EPN1: variants seen among roughly 807,000 people sequenced by gnomAD.
EPN1 encodes the protein epsin-1.
In EPN1, 25 loss-of-function variants were observed where a neutral mutation model predicts 56.9. The observed-to-expected ratio is 0.44, with a 90% CI of 0.32 to 0.61. EPN1 has a LOEUF of 0.61. Ranked by LOEUF, EPN1 falls within the 20% of genes least tolerant of loss-of-function variation. The pLI is 0.05. For synonymous variants in EPN1, 411 were observed against 361.8 expected (o/e 1.14, Z -1.54); for missense variants, 785 against 823.7 (o/e 0.95, Z 0.58).
intron 2 of EPN1, among the ~76,000 whole-genome samples, chr19:55,682,322 G>A (rs979704601): frequency 1.3e-5 from 2 of 152,216 alleles, no homozygotes; most frequent in Admixed American, 1.3e-4. Flanking sequence ...CTGTTCTTGA[G>A]CTTTATATAT....
At chr19:55,693,583 G>A (rs1044495296) in intron 9 of EPN1, among the ~76,000 whole-genome samples, 7 of 152,210 alleles carry the variant, frequency 4.6e-5, no homozygotes, top group East Asian at 3.9e-4. Flanking sequence ...GTGGCTCTTC[G>A]TCAGGAGTGC....
rs1313350064 is a variant in EPN1, at chr19:55,696,374, C to T, written c.*1018C>T. 2.0e-5 allele frequency: 3 copies of T among 152,344 alleles called. No individual in the cohort carries two copies. The highest frequency in any genetic ancestry group is 4.8e-5 in the African/African-American group (2 of 41,442). The allele number at this position is 152,344 out of a possible 1,614,324, so 9.4% of individuals were successfully genotyped here. On this transcript the variant is annotated 3_prime_UTR_variant, in exon 11 of 11. Coordinates refer to ENST00000270460, the MANE Select transcript of EPN1 (RefSeq NM_001130072.2). ...TGTCATCTCCAGGGCTAGGTGACAGCTTGTTGCAGGCCCCACAGCCAGGGC... is the reference window on the plus strand; with the variant it reads ...TGTCATCTCCAGGGCTAGGTGACAGTTTGTTGCAGGCCCCACAGCCAGGGC...
chr19:55,680,968 A>C (rs576846267), intron 2 of EPN1, among the ~76,000 whole-genome samples: 2 of 152,254 alleles, frequency 1.3e-5, no homozygotes, highest in Non-Finnish European at 2.9e-5. Flanking sequence ...GTGCAGGAGC[A>C]GTCTTTCCAC....
rs1218534367 is a variant in EPN1 at position 55,700,903 on chromosome 19, C to T, written c.*5547C>T. 6.6e-6 allele frequency: 1 copy of T among 152,168 alleles called. No individual in the cohort carries two copies. Among genetic ancestry groups the T allele is most frequent in the Non-Finnish European group, 1.5e-5 (1 of 68,062 alleles). 9.4% of individuals were successfully genotyped at this position (152,168 alleles called of 1,614,324 possible). A position where few individuals can be genotyped will look rare whatever the true frequency, so the allele number is the denominator to read the frequency against. ...AATGGCTTGTGTTGTGGGGAATGTT[C>T]TCATCCACCCAAATCAAGCATCACT... On this transcript the variant is annotated 3_prime_UTR_variant, in exon 11 of 11. Transcript: ENST00000270460.
At position 55,678,524 on chromosome 19, in the gene EPN1, C is replaced by T. The variant is rs752139537; in HGVS notation, c.-101-3C>T. Reference sequence around the variant, plus strand: ...GTTTCCAGAGGTCCTCTTCCCCTCGCAGATGCGGTGACCTGCCAGCACCTG... The same window carrying T: ...GTTTCCAGAGGTCCTCTTCCCCTCGTAGATGCGGTGACCTGCCAGCACCTG... On this transcript the variant is annotated splice_polypyrimidine_tract_variant and splice_region_variant and intron_variant, in intron 1 of 10. Coordinates refer to ENST00000270460, the MANE Select transcript of EPN1 (RefSeq NM_001130072.2). The T allele has an allele frequency of 4.1e-5, 63 of 1,539,586 alleles. No homozygotes were observed. The highest frequency in any genetic ancestry group is 5.5e-5 in the Non-Finnish European group (63 of 1,145,478).
rs1987217728 is a variant in EPN1, at chr19:55,702,962, G to A, written c.*7606G>A. ...GGCGCCCACCACCACGCCCGGCTAAGCTAATTTTTTGTATTGTTAGTAGAG... is the reference window on the plus strand; with the variant it reads ...GGCGCCCACCACCACGCCCGGCTAAACTAATTTTTTGTATTGTTAGTAGAG... On this transcript the variant is annotated 3_prime_UTR_variant, in exon 11 of 11. Transcript: ENST00000270460. 1 of 151,750 alleles carries A rather than the reference G, an allele frequency of 6.6e-6. No homozygotes were observed. Among genetic ancestry groups the A allele is most frequent in the Admixed American group, 6.6e-5 (1 of 15,216 alleles). 9.4% of individuals were successfully genotyped at this position (151,750 alleles called of 1,614,324 possible).
rs1455746666 is a variant in EPN1, at chr19:55,702,665, T to G, written c.*7309T>G. ...TGCTTTTTGTTAGGAAGTTTTTTGCTGGGGACTCTCTTCGCCCTATCTACC... is the reference window on the plus strand; with the variant it reads ...TGCTTTTTGTTAGGAAGTTTTTTGCGGGGGACTCTCTTCGCCCTATCTACC... On this transcript the variant is annotated 3_prime_UTR_variant, in exon 11 of 11. Transcript: ENST00000270460. The G allele has an allele frequency of 6.6e-6, 1 of 152,262 alleles. No individual in the cohort carries two copies. The highest frequency in any genetic ancestry group is 1.5e-5 in the Non-Finnish European group (1 of 68,048). The allele number at this position is 152,262 out of a possible 1,614,324, so 9.4% of individuals were successfully genotyped here.
rs996397437 is a variant in EPN1, at chr19:55,689,160, G to A, written c.604-137G>A. 13 of 1,150,576 alleles carry A rather than the reference G, an allele frequency of 1.1e-5. No individual in the cohort carries two copies. The highest frequency in any genetic ancestry group is 2.0e-4 in the Middle Eastern group (1 of 5,018). The allele number at this position is 1,150,576 out of a possible 1,614,324, so 71.3% of individuals were successfully genotyped here. ...CATCCTCACCCCGCCGTCCCTCTGCGTGTCACTCTCTGCCTGTCCCTCACT... is the reference window on the plus strand; with the variant it reads ...CATCCTCACCCCGCCGTCCCTCTGCATGTCACTCTCTGCCTGTCCCTCACT... On this transcript the variant is annotated intron_variant, in intron 4 of 10. Transcript: ENST00000270460. This position sits in a 1 kb window ranked among gnomAD's most constrained non-coding sequence, Gnocchi z 5.7.
In EPN1 at chr19:55,692,001, C is replaced by G; in HGVS notation, c.1010C>G (p.Thr337Ser). Residue 337 changes from threonine to serine, a missense_variant, in exon 7 of 11, where the codon ACC (threonine) becomes AGC (serine). Physicochemically the swap from Thr to Ser is moderately conservative, Grantham distance 58. Around this residue, in one of 2 missense-constraint regions of EPN1, gnomAD observed 650 missense variants for 605.0 expected, o/e 1.07. Coordinates refer to ENST00000270460, the MANE Select transcript of EPN1 (RefSeq NM_001130072.2). ...CCCTCAGTTGACCCTTGGGGTGGGA[C>G]CCCAGCCCCTGCAGCTGGGGAGGGG... Reference protein sequence around the residue: ...AGPSVDPWGGTPAPAAGEGPT... With the variant: ...AGPSVDPWGGSPAPAAGEGPT... 1 of 1,482,234 alleles carries G rather than the reference C, an allele frequency of 6.7e-7. No homozygotes were observed. Among genetic ancestry groups the G allele is most frequent in the African/African-American group, 1.4e-5 (1 of 70,754 alleles). The allele number at this position is 1,482,234 out of a possible 1,614,324, so 91.8% of individuals were successfully genotyped here. A position where few individuals can be genotyped will look rare whatever the true frequency, so the allele number is the denominator to read the frequency against.
In EPN1 at chr19:55,689,944, G is replaced by C. The variant is rs1456391486; in HGVS notation, c.756G>C (p.Lys252Asn). 8 of 1,600,368 alleles carry C rather than the reference G, an allele frequency of 5.0e-6. No individual in the cohort carries two copies. The highest frequency in any genetic ancestry group is 6.8e-6 in the Non-Finnish European group (8 of 1,174,098). ...IEESKRETGG[K>N]EESSLMDLAD... ...AGAGCAAGAGGGAGACTGGGGGCAA[G>C]GAGGAGGTGAGCGGGGCTTGTTCTG... The change falls in exon 6 of 11, where the codon AAG becomes AAC. Residue 252 changes from lysine to asparagine, a missense_variant. By Grantham distance (94) the Lys-to-Asn change is moderately conservative. Coordinates refer to ENST00000270460, the MANE Select transcript of EPN1 (RefSeq NM_001130072.2). This position sits in a 1 kb window ranked among gnomAD's most constrained non-coding sequence, Gnocchi z 5.7.
intron 2 of EPN1, among the ~76,000 whole-genome samples, chr19:55,683,158 C>G (rs987626317): frequency 1.3e-5 from 2 of 152,116 alleles, no homozygotes; most frequent in Non-Finnish European, 2.9e-5. Context: ...CAAGATCAAG[C>G]GATTCTCCTG....
In EPN1 at chr19:55,705,137, C is replaced by T. The variant is rs1244959239; in HGVS notation, c.*9781C>T. 1 of 152,362 alleles carries T rather than the reference C, an allele frequency of 6.6e-6. No homozygotes were observed. Among genetic ancestry groups the T allele is most frequent in the Middle Eastern group, 3.4e-3 (1 of 296 alleles). 9.4% of individuals were successfully genotyped at this position (152,362 alleles called of 1,614,324 possible). On this transcript the variant is annotated 3_prime_UTR_variant, in exon 11 of 11. Coordinates refer to ENST00000270460, the MANE Select transcript of EPN1 (RefSeq NM_001130072.2). ...CACTGGCCTGAGGTTTCTGAGTAAG[C>T]TCTGACCCAATCATTGACTATTAAA... is the stretch of plus-strand genomic sequence containing the variant.
Position 55,692,697 on chromosome 19 carries a change from G to C in EPN1, c.1078G>C (p.Val360Leu). 6.5e-7 allele frequency: 1 copy of C among 1,546,198 alleles called. No individual in the cohort carries two copies. The highest frequency in any genetic ancestry group is 8.7e-7 in the Non-Finnish European group (1 of 1,144,616). Residue 360 changes from valine to leucine, a missense_variant, in exon 8 of 11, where the codon GTC becomes CTC. Val to Leu is a conservative substitution (Grantham distance 32). This residue lies in a region of EPN1 where 650 missense variants were observed against 605.0 expected (regional missense o/e 1.07). Transcript: ENST00000270460. ...PWGSSDGGVP[V>L]SGPSASDPWT... ...CTGTCCTCACCCAGGTGGGGTCCCG[G>C]TCAGTGGGCCCTCAGCCTCCGATCC...
chr19:55,688,858 C>T lies in EPN1; in HGVS notation c.479-12C>T, dbSNP rs2122198575. 3.8e-6 allele frequency: 6 copies of T among 1,572,834 alleles called. No homozygotes were observed. In the Middle Eastern group the frequency reaches 6.7e-4, roughly 174 times the overall value. On this transcript the variant is annotated splice_polypyrimidine_tract_variant and intron_variant, in intron 3 of 10. Transcript: ENST00000270460. ...TGGTCTGGGTCTCACGCGTTTCTCA[C>T]CCGCCCTCCAGCCTCATCAGCAGCT... is the stretch of plus-strand genomic sequence containing the variant.
Position 55,690,216 on chromosome 19 carries a change from C to G in EPN1, c.762+266C>G, listed in dbSNP as rs114589249. Reference sequence around the variant, plus strand: ...GGCTGAGCACCGTGAGGGCCACCACCGGCCGCCACAGCTGAATGGGGAGGC... The same window carrying G: ...GGCTGAGCACCGTGAGGGCCACCACGGGCCGCCACAGCTGAATGGGGAGGC... On this transcript the variant is annotated intron_variant, in intron 6 of 10. Coordinates refer to ENST00000270460, the MANE Select transcript of EPN1 (RefSeq NM_001130072.2). 2.0e-5 allele frequency among the ~76,000 whole-genome samples: 3 copies of G among 152,362 alleles called. No individual in the cohort carries two copies. In the South Asian group the frequency reaches 6.2e-4, roughly 32 times the overall value.
chr19:55,685,684 G>A (rs1986122033), intron 3 of EPN1, 39 bp downstream of exon 3: 4 of 1,559,662 alleles, frequency 2.6e-6, no homozygotes, highest in South Asian at 1.2e-5. Flanking sequence ...CCTAGAGTCT[G>A]TCCTCCGCCT....
At chr19:55,684,098 CCGGTTAAAGA>C (rs1468705010) in intron 2 of EPN1, among the ~76,000 whole-genome samples, 1 of 152,130 alleles carries the variant, frequency 6.6e-6, no homozygotes. Flanking sequence ...ACCTTGAGGG[CCGGTTAAAGA>C]CTAATCTCTG....
chr19:55,708,977 G>A lies in EPN1; in HGVS notation c.*13621G>A. On this transcript the variant is annotated 3_prime_UTR_variant, in exon 11 of 11. Transcript: ENST00000270460. ...CAAGGTCCATGTGAAATGGTCAGAT[G>A]GGGAATTTTTTCTTCCACAGACATC... is the stretch of plus-strand genomic sequence containing the variant. The A allele has an allele frequency of 1.9e-6, 3 of 1,593,152 alleles. No individual in the cohort carries two copies. The highest frequency in any genetic ancestry group is 4.6e-5 in the East Asian group (2 of 43,248).
At position 55,675,236 on chromosome 19, in the gene EPN1, C is replaced by G. The variant is rs1239574295; in HGVS notation, c.-301C>G. The G allele has an allele frequency of 1.3e-5, 2 of 152,090 alleles. No homozygotes were observed. Among genetic ancestry groups the G allele is most frequent in the Admixed American group, 6.5e-5 (1 of 15,282 alleles). 9.4% of individuals were successfully genotyped at this position (152,090 alleles called of 1,614,324 possible). The stretch of plus-strand genomic sequence containing the variant: ...GTCCGTCGCCTCCTTCTGTTGCTTC[C>G]CGTCTCCTCGGCGGCTCCCCTCCCC... On this transcript the variant is annotated 5_prime_UTR_variant, in exon 1 of 11. Transcript: ENST00000270460.
Sources: gnomAD v4.1 joint callset for allele counts (sites outside exome capture counted in the v4.1 genomes callset) on GRCh38, gnomAD v4.1.1 for gene constraint, gnomAD v4.1.1 regional missense constraint, Gnocchi (gnomAD v3.1) non-coding constraint, MANE v1.5 for transcripts, NCBI Gene and HGNC (gene_info 2026-07-23, HGNC 2026-07-21) for gene names.